GOLGA7B: variants seen among roughly 807,000 people sequenced by gnomAD.
GOLGA7B encodes golgin subfamily A member 7B.
GOLGA7B carries 17 observed loss-of-function variants against 21.5 expected under a neutral mutation model. That is an observed-to-expected ratio of 0.79 (90% CI 0.54 to 1.19). The LOEUF is 1.19. Ranked by LOEUF, GOLGA7B falls within the 50% of genes most tolerant of loss-of-function variation. The pLI, the probability that GOLGA7B is intolerant of heterozygous loss-of-function variation, is 0.00. For synonymous variants in GOLGA7B, 87 were observed against 84.0 expected (o/e 1.04, Z -0.19); for missense variants, 169 against 224.4 (o/e 0.75, Z 1.58).
Position 97,869,683 on chromosome 10 carries a change from C to CT in GOLGA7B, c.*3984dup, listed in dbSNP as rs993120306. 3 of 152,334 alleles carry CT rather than the reference C, an allele frequency of 2.0e-5. No homozygotes were observed. Among genetic ancestry groups the CT allele is most frequent in the African/African-American group, 7.2e-5 (3 of 41,470 alleles). 9.4% of individuals were successfully genotyped at this position (152,334 alleles called of 1,614,324 possible). On this transcript the variant is annotated 3_prime_UTR_variant, in exon 5 of 5. Coordinates refer to ENST00000370602, the MANE Select transcript of GOLGA7B (RefSeq NM_001010917.3). ...GAATCAAAGGTGGAGACAGAAAGAA[C>CT]TATGGCTGTTGTGACACGTCCCCCA...
rs1390097578 is a variant in GOLGA7B, at chr10:97,865,769, C to T, written c.*69C>T. Reference sequence around the variant, plus strand: ...GCCTTGCAGACCTGCGGCGGCTGCGCTACCAGAGCACCCGCTTCTGAGTCA... The same window carrying T: ...GCCTTGCAGACCTGCGGCGGCTGCGTTACCAGAGCACCCGCTTCTGAGTCA... On this transcript the variant is annotated 3_prime_UTR_variant, in exon 5 of 5. Coordinates refer to ENST00000370602, the MANE Select transcript of GOLGA7B (RefSeq NM_001010917.3). 5.5e-6 allele frequency: 8 copies of T among 1,458,536 alleles called. No individual in the cohort carries two copies. In the South Asian group the frequency reaches 9.1e-5, roughly 17 times the overall value. 90.3% of individuals were successfully genotyped at this position (1,458,536 alleles called of 1,614,324 possible). A position where few individuals can be genotyped will look rare whatever the true frequency, so the allele number is the denominator to read the frequency against.
chr10:97,850,242 G>A lies in GOLGA7B; in HGVS notation c.-62G>A, dbSNP rs1172678990. On this transcript the variant is annotated 5_prime_UTR_variant, in exon 1 of 5. Transcript: ENST00000370602. ...ACCGCCGCCGCCCACCTGCTCCCGG[G>A]GTCAGCACCGCGGAGACCCCCCTCG... 1.1e-5 allele frequency: 15 copies of A among 1,345,008 alleles called. No individual in the cohort carries two copies. The Admixed American group carries it at 3.9e-4, about 35-fold the overall frequency. The allele number at this position is 1,345,008 out of a possible 1,614,324, so 83.3% of individuals were successfully genotyped here.
At chr10:97,852,581 G>A (rs543475948) in intron 1 of GOLGA7B, among the ~76,000 whole-genome samples, 8 of 152,236 alleles carry the variant, frequency 5.3e-5, no homozygotes, top group Admixed American at 3.3e-4. Flanking sequence ...GAGATTACCA[G>A]GATAAACTTG....
At chr10:97,856,976 G>C (rs2049938912) in intron 1 of GOLGA7B, among the ~76,000 whole-genome samples, 1 of 151,988 alleles carries the variant, frequency 6.6e-6, no homozygotes, top group African/African-American at 2.4e-5. Context: ...CTGGATATTA[G>C]TCTTCTGTCA....
At chr10:97,859,340 T>A in intron 1 of GOLGA7B, 118 bp from the exon 2 acceptor site, 1 of 1,006,780 alleles carries the variant, frequency 9.9e-7, no homozygotes, top group Admixed American at 2.2e-5. Context: ...TGTCTCTGCA[T>A]GCTGGGAACT....
rs915408840 is a variant in GOLGA7B at position 97,868,952 on chromosome 10, T to C, written c.*3252T>C. On this transcript the variant is annotated 3_prime_UTR_variant, in exon 5 of 5. Coordinates refer to ENST00000370602, the MANE Select transcript of GOLGA7B (RefSeq NM_001010917.3). ...AGTCATTCAATTCTCACAGCAACCC[T>C]CTATGGCATGGATTCTTATTTCCCA... The C allele has an allele frequency of 6.6e-6, 1 of 152,212 alleles. No homozygotes were observed. Among genetic ancestry groups the C allele is most frequent in the Non-Finnish European group, 1.5e-5 (1 of 68,038 alleles). 9.4% of individuals were successfully genotyped at this position (152,212 alleles called of 1,614,324 possible).
At chr10:97,854,634 A>T (rs1049257436) in intron 1 of GOLGA7B, among the ~76,000 whole-genome samples, 6 of 152,238 alleles carry the variant, frequency 3.9e-5, no homozygotes, top group African/African-American at 1.4e-4. Context: ...CCTGGATAGT[A>T]GTCTAAGGCT....
intron 1 of GOLGA7B, among the ~76,000 whole-genome samples, chr10:97,858,947 A>T (rs930489493): frequency 1.1e-4 from 16 of 152,192 alleles, no homozygotes; most frequent in Non-Finnish European, 1.0e-4. Flanking sequence ...TCACAAGTGA[A>T]CGCTTGGTAC....
At chr10:97,851,675 C>T (rs1188942210) in intron 1 of GOLGA7B, among the ~76,000 whole-genome samples, 1 of 152,238 alleles carries the variant, frequency 6.6e-6, no homozygotes, top group Non-Finnish European at 1.5e-5. Flanking sequence ...CTGTGTTGGA[C>T]AGAAAAGGGG....
At chr10:97,853,742 G>C (rs1419982781) in intron 1 of GOLGA7B, among the ~76,000 whole-genome samples, 1 of 152,176 alleles carries the variant, frequency 6.6e-6, no homozygotes, top group Non-Finnish European at 1.5e-5. Flanking sequence ...GCTTCAGAGA[G>C]AGTTGTGCAC....
At chr10:97,865,569 C>T in intron 4 of GOLGA7B, 21 bp from the exon 5 acceptor site, 1 of 1,611,354 alleles carries the variant, frequency 6.2e-7, no homozygotes, top group Non-Finnish European at 8.5e-7. Flanking sequence ...GCTCGCAGCT[C>T]TCCTTAACCA....
intron 2 of GOLGA7B, among the ~76,000 whole-genome samples, chr10:97,860,899 C>G (rs551561143): frequency 5.9e-5 from 9 of 152,172 alleles, no homozygotes; most frequent in Non-Finnish European, 8.8e-5. Context: ...TATCCTCCCC[C>G]TTCCCAGACC....
At chr10:97,858,669 C>G (rs2049951242) in intron 1 of GOLGA7B, among the ~76,000 whole-genome samples, 1 of 152,214 alleles carries the variant, frequency 6.6e-6, no homozygotes. Context: ...TGGCCTCTGT[C>G]CATTTCATCT....
intron 4 of GOLGA7B, chr10:97,865,071 C>T (rs79132084): frequency 0.057 from 8,828 of 153,632 alleles, 314 homozygotes; most frequent in African/African-American, 0.1. Flanking sequence ...GGTTTTGTGC[C>T]AAGTGTCTTA....
intron 4 of GOLGA7B, 111 bp from the exon 5 acceptor site, chr10:97,865,479 G>A: frequency 6.5e-7 from 1 of 1,542,098 alleles, no homozygotes; most frequent in Non-Finnish European, 8.8e-7. Context: ...TACTGTCTAG[G>A]CAGCAGCACA....
At chr10:97,859,006 G>A (rs2049953869) in intron 1 of GOLGA7B, among the ~76,000 whole-genome samples, 1 of 152,208 alleles carries the variant, frequency 6.6e-6, no homozygotes, top group African/African-American at 2.4e-5. Flanking sequence ...GTGTGTGTGT[G>A]TGCACGTGCA....
rs2050026894 is a variant in GOLGA7B at position 97,866,521 on chromosome 10, G to A, written c.*821G>A. ...GATTAGAACCTGTGTGTATGCACAT[G>A]TGAATGTATGTGTGAGTGCACATGT... On this transcript the variant is annotated 3_prime_UTR_variant, in exon 5 of 5. Coordinates refer to ENST00000370602, the MANE Select transcript of GOLGA7B (RefSeq NM_001010917.3). The A allele has an allele frequency of 6.6e-6, 1 of 152,256 alleles. No homozygotes were observed. The highest frequency in any genetic ancestry group is 6.5e-5 in the Admixed American group (1 of 15,288). The allele number at this position is 152,256 out of a possible 1,614,324, so 9.4% of individuals were successfully genotyped here.
intron 4 of GOLGA7B, 179 bp from the exon 5 acceptor site, chr10:97,865,411 C>T (rs538377935): frequency 2.8e-6 from 3 of 1,053,924 alleles, no homozygotes; most frequent in Non-Finnish European, 4.0e-6. Flanking sequence ...TAATTGTTAG[C>T]TAAGTAATGT....
chr10:97,863,463 G>A, intron 2 of GOLGA7B, among the ~76,000 whole-genome samples: 1 of 152,174 alleles, frequency 6.6e-6, no homozygotes, highest in South Asian at 2.1e-4. Context: ...AGGTCTCACT[G>A]AAGCAGTCTC....
Sources: allele counts gnomAD v4.1 joint callset (sites outside exome capture counted in the v4.1 genomes callset), GRCh38; gene constraint gnomAD v4.1.1; transcripts MANE v1.5; gene names NCBI Gene and HGNC (gene_info 2026-07-23, HGNC 2026-07-21).